The following UBAP2 variants were observed in gnomAD, a reference collection of about 807,000 sequenced individuals.
UBAP2 encodes ubiquitin associated protein 2.
Under a neutral mutation model 139.6 loss-of-function variants are expected in UBAP2, and 75 were observed. The ratio of observed to expected loss-of-function variants is 0.54; its 90% confidence interval spans 0.45 to 0.65. The LOEUF (loss-of-function observed/expected upper bound fraction) is 0.65. Ranked by LOEUF, UBAP2 falls within the 30% of genes least tolerant of loss-of-function variation. The probability of loss-of-function intolerance (pLI) is 0.00; values close to 1 mark genes in which losing one functional copy is unlikely to be tolerated. For synonymous variants in UBAP2, 526 were observed against 526.2 expected (o/e 1.00, Z 0.01); for missense variants, 1,368 against 1,369.6 (o/e 1.00, Z 0.02).
At position 33,953,329 on chromosome 9, in the gene UBAP2, T is replaced by A; in HGVS notation, c.1012A>T (p.Thr338Ser). 1.2e-6 allele frequency: 2 copies of A among 1,614,226 alleles called. No individual in the cohort carries two copies. Among genetic ancestry groups the A allele is most frequent in the Admixed American group, 3.3e-5 (2 of 60,022 alleles). Residue 338 changes from threonine (T) to serine (S), a missense_variant, in exon 12 of 29, where the codon ACT (threonine) becomes TCT (serine). Physicochemically the swap from Thr to Ser is moderately conservative, Grantham distance 58. Coordinates refer to ENST00000379238, the MANE Select transcript of UBAP2 (RefSeq NM_001370062.2). ...SQHNNQMAPG[T>S]GSSTAVNSCS... is the part of the protein sequence containing the mutation. ...GAGTTGACGGCAGTGGAGCTGCCAG[T>A]CCCTGGTGCCATCTGATTGTTGTGT...
rs1437459189 is a variant in UBAP2 at position 33,932,585 on chromosome 9, G to A, written c.2152C>T (p.Leu718Phe). The change falls in exon 19 of 29, where the codon CTC becomes TTC. Residue 718 changes from leucine (L) to phenylalanine (F), a missense_variant. Transcript: ENST00000379238. ...HQSSLSAHAA[L>F]SSSTSHTHAS... ...ACTGTGTGTGACGTGCTCGAGGAGA[G>A]GGCTGCATGTGCAGAGAGGCTGCTC... The A allele has an allele frequency of 6.2e-7, 1 of 1,614,054 alleles. No individual in the cohort carries two copies. Among genetic ancestry groups the A allele is most frequent in the Non-Finnish European group, 8.5e-7 (1 of 1,180,026 alleles).
At chr9:34,034,273 A>G (rs1297783455) in intron 1 of UBAP2, among the ~76,000 whole-genome samples, 2 of 152,196 alleles carry the variant, frequency 1.3e-5, no homozygotes, top group African/African-American at 2.4e-5. Flanking sequence ...GAAGTTTTTC[A>G]TTATAGTTCT....
chr9:34,020,048 T>A (rs1824779300), intron 1 of UBAP2, among the ~76,000 whole-genome samples: 1 of 147,838 alleles, frequency 6.8e-6, no homozygotes, highest in African/African-American at 2.5e-5. Context: ...TAATCCCAGC[T>A]ACTAGGGAGG....
chr9:33,981,687 T>C (rs533165086), intron 6 of UBAP2, among the ~76,000 whole-genome samples: 45 of 151,894 alleles, frequency 3.0e-4, no homozygotes, highest in African/African-American at 1.0e-3. Flanking sequence ...GATATAGAAC[T>C]GCTTGAGTTC....
intron 10 of UBAP2, among the ~76,000 whole-genome samples, chr9:33,960,154 T>G (rs307661): frequency 0.61 from 92,076 of 151,232 alleles, 28,136 homozygotes; most frequent in East Asian, 0.77. Context: ...ACTCAGGCAG[T>G]TCTCATATTC....
At chr9:33,932,381 A>T (rs1824059670) in intron 19 of UBAP2, among the ~76,000 whole-genome samples, 181 bp downstream of exon 19, 1 of 152,196 alleles carries the variant, frequency 6.6e-6, no homozygotes, top group South Asian at 2.1e-4. Context: ...AGAAAGCAAG[A>T]TGTCCCCAGA....
chr9:33,981,768 T>TAGGTAGGA (rs201096604), intron 6 of UBAP2, among the ~76,000 whole-genome samples: 7 of 130,822 alleles, frequency 5.4e-5, no homozygotes, highest in Non-Finnish European at 9.3e-5. Flanking sequence ...GGTAGGTAGG[T>TAGGTAGGA]AGGTAGGAAG....
intron 8 of UBAP2, among the ~76,000 whole-genome samples, chr9:33,970,222 T>A (rs2131049420): frequency 6.6e-6 from 1 of 152,084 alleles, no homozygotes; most frequent in East Asian, 1.9e-4. Flanking sequence ...TCAATATTCC[T>A]TTTCTCCTTC....
chr9:33,922,457 TCCTGCCCA>T lies in UBAP2; in HGVS notation c.*39_*46del. ...CCCAAATACGTGCTCGTGTGTTCTC[TCCTGCCCA>T]GGATAAGCCTTGCCCCAGCCCACCC... On this transcript the variant is annotated 3_prime_UTR_variant, in exon 29 of 29. Transcript: ENST00000379238. 1 of 1,579,132 alleles carries T rather than the reference TCCTGCCCA, an allele frequency of 6.3e-7. No homozygotes were observed. The highest frequency in any genetic ancestry group is 8.6e-7 in the Non-Finnish European group (1 of 1,156,368).
intron 6 of UBAP2, among the ~76,000 whole-genome samples, chr9:33,975,442 A>C (rs1189208656): frequency 1.2e-4 from 16 of 137,292 alleles, no homozygotes; most frequent in African/African-American, 3.7e-4. Flanking sequence ...TAAAAAAAAA[A>C]AACAAAAAAA....
At chr9:33,939,787 AG>A (rs1277840495) in intron 16 of UBAP2, among the ~76,000 whole-genome samples, 2 of 7,718 alleles carry the variant, frequency 2.6e-4, no homozygotes, top group East Asian at 4.0e-3. Flanking sequence ...GGGAGGAGGA[AG>A]GGGAGGAGGA....
At chr9:34,020,550 T>G (rs1273357902) in intron 1 of UBAP2, among the ~76,000 whole-genome samples, 1 of 151,990 alleles carries the variant, frequency 6.6e-6, no homozygotes, top group African/African-American at 2.4e-5. Context: ...GGTCTCAAAC[T>G]CGTGGCCTCA....
intron 6 of UBAP2, among the ~76,000 whole-genome samples, chr9:33,975,613 A>G: frequency 6.6e-6 from 1 of 150,686 alleles, no homozygotes; most frequent in East Asian, 2.0e-4. Context: ...CCTGGCTAAC[A>G]CGGTGAAACC....
At chr9:33,935,545 G>A in intron 17 of UBAP2, 1 of 403,466 alleles carries the variant, frequency 2.5e-6, no homozygotes, top group Middle Eastern at 5.9e-4. Context: ...GGGATTATGG[G>A]CATCAGCCAC....
chr9:33,943,357 T>C lies in UBAP2; in HGVS notation c.1715+63A>G, dbSNP rs1008931726. On this transcript the variant is annotated intron_variant, in intron 15 of 28. Transcript: ENST00000379238. ...TAGCTATTACCACAGGATGTATTCT[T>C]TTCCACCAGTTGATCTCTCTTAGGG... is the stretch of plus-strand genomic sequence containing the variant. 7.8e-6 allele frequency: 12 copies of C among 1,530,822 alleles called. No individual in the cohort carries two copies. In the South Asian group the frequency reaches 1.3e-4, roughly 17 times the overall value. 94.8% of individuals were successfully genotyped at this position (1,530,822 alleles called of 1,614,324 possible).
chr9:33,955,622 A>G (rs1172101640), intron 11 of UBAP2, among the ~76,000 whole-genome samples: 1 of 152,022 alleles, frequency 6.6e-6, no homozygotes, highest in Non-Finnish European at 1.5e-5. Flanking sequence ...TGAGGTTGGG[A>G]ATTCGAGACC....
At chr9:34,009,321 A>G (rs1037270405) in intron 2 of UBAP2, among the ~76,000 whole-genome samples, 4 of 151,966 alleles carry the variant, frequency 2.6e-5, no homozygotes, top group African/African-American at 9.7e-5. Context: ...CTGGTCTCGA[A>G]CCCCTGGCCT....
chr9:33,957,954 T>A (rs552147296), intron 10 of UBAP2, among the ~76,000 whole-genome samples: 1 of 150,954 alleles, frequency 6.6e-6, no homozygotes, highest in Admixed American at 6.6e-5. Flanking sequence ...GTGGGAAGGG[T>A]TTTTTTTTCT....
chr9:33,960,396 T>C (rs1430358034), intron 10 of UBAP2, among the ~76,000 whole-genome samples: 4 of 152,164 alleles, frequency 2.6e-5, no homozygotes, highest in Admixed American at 2.0e-4. Context: ...CTGGCTACGA[T>C]ACATGCCAGA....
Sources: gnomAD v4.1 joint callset for allele counts (sites outside exome capture counted in the v4.1 genomes callset) on GRCh38, gnomAD v4.1.1 for gene constraint, MANE v1.5 for transcripts, NCBI Gene and HGNC (gene_info 2026-07-23, HGNC 2026-07-21) for gene names.